RPS6KC1: variants seen among roughly 807,000 people sequenced by gnomAD.
The protein encoded by RPS6KC1 is ribosomal protein S6 kinase C1, also known as inactive ribosomal protein S6 kinase delta-1.
In RPS6KC1, 54 loss-of-function variants were observed where a neutral mutation model predicts 103.8. The ratio of observed to expected loss-of-function variants is 0.52; its 90% CI spans 0.42 to 0.65. The LOEUF (loss-of-function observed/expected upper bound fraction) is 0.65, where lower values mean the gene tolerates loss of function less well. Among genes scored for constraint, RPS6KC1 ranks in the 30% least tolerant of loss-of-function variants. The pLI is 0.00. For missense variants in RPS6KC1, 1,151 were observed against 1,253.8 expected, an observed-to-expected ratio of 0.92 and a Z score of 1.24; for synonymous variants, 439 against 438.7, an observed-to-expected ratio of 1.00 and a Z score of -0.01.
At chr1:213,582,109 A>G in the RPS6KC1 span, among the ~76,000 whole-genome samples, 2 of 133,420 alleles carry the variant, frequency 1.5e-5, no homozygotes, top group African/African-American at 5.7e-5. Context: ...TTTTTGATTC[A>G]TTTTTGAACA....
the RPS6KC1 span, among the ~76,000 whole-genome samples, chr1:213,650,427 T>C: frequency 6.6e-6 from 1 of 152,330 alleles, no homozygotes; most frequent in South Asian, 2.1e-4. Context: ...AGTGATCCCC[T>C]GCAAAGCCTT....
chr1:213,846,590 A>C, the RPS6KC1 span, among the ~76,000 whole-genome samples: 2 of 152,206 alleles, frequency 1.3e-5, no homozygotes, highest in African/African-American at 4.8e-5. Flanking sequence ...ACAAAACATC[A>C]AGATATAGTA....
the RPS6KC1 span, among the ~76,000 whole-genome samples, chr1:213,474,821 A>T: frequency 4.6e-5 from 7 of 150,676 alleles, no homozygotes; most frequent in African/African-American, 1.7e-4. Context: ...AATTCAAATT[A>T]AAAAAAAAGG....
intron 6 of RPS6KC1, among the ~76,000 whole-genome samples, chr1:213,155,394 C>T (rs1383539223): frequency 6.6e-6 from 1 of 152,158 alleles, no homozygotes; most frequent in African/African-American, 2.4e-5. Flanking sequence ...GTGCTGTAGC[C>T]CTTGTTGGCG....
At chr1:213,437,930 TATTTTCTG>T in the RPS6KC1 span, among the ~76,000 whole-genome samples, 1 of 151,998 alleles carries the variant, frequency 6.6e-6, no homozygotes, top group Non-Finnish European at 1.5e-5. Flanking sequence ...TCATTCAAAA[TATTTTCTG>T]ATTTTCTTTT....
the RPS6KC1 span, among the ~76,000 whole-genome samples, chr1:213,766,416 C>T: frequency 3.9e-5 from 6 of 152,078 alleles, no homozygotes; most frequent in Non-Finnish European, 8.8e-5. Flanking sequence ...TCACATGGCA[C>T]GTAAGACTTA....
the RPS6KC1 span, among the ~76,000 whole-genome samples, chr1:213,298,643 ATTTC>A: frequency 2.6e-5 from 4 of 151,574 alleles, no homozygotes; most frequent in Non-Finnish European, 5.9e-5. Flanking sequence ...TTTCTTGGAA[ATTTC>A]TTTGTCTTCC....
the RPS6KC1 span, among the ~76,000 whole-genome samples, chr1:213,815,478 A>G: frequency 2.6e-5 from 4 of 152,238 alleles, no homozygotes; most frequent in Non-Finnish European, 5.9e-5. Flanking sequence ...AAGATGTCCT[A>G]TTGTGCATAT....
chr1:213,517,902 TCTGGGTGCTC>T, the RPS6KC1 span, among the ~76,000 whole-genome samples: 1 of 152,208 alleles, frequency 6.6e-6, no homozygotes, highest in Admixed American at 6.5e-5. Flanking sequence ...GCTTTATGAA[TCTGGGTGCTC>T]CTGTATTGGG....
the RPS6KC1 span, among the ~76,000 whole-genome samples, chr1:213,844,319 T>C: frequency 6.6e-6 from 1 of 152,224 alleles, no homozygotes; most frequent in African/African-American, 2.4e-5. Context: ...CATACAATTA[T>C]GGACAATTTG....
At chr1:213,209,324 C>T (rs2093437324) in intron 8 of RPS6KC1, among the ~76,000 whole-genome samples, 1 of 152,122 alleles carries the variant, frequency 6.6e-6, no homozygotes, top group South Asian at 2.1e-4. Context: ...ATCCAAACCC[C>T]AAGAGAGGAT....
intron 1 of RPS6KC1, among the ~76,000 whole-genome samples, chr1:213,054,799 C>G (rs79210722): frequency 2.5e-4 from 38 of 152,268 alleles, no homozygotes; most frequent in Admixed American, 1.0e-3. Flanking sequence ...AGTGTTATTT[C>G]TTAATTTTTA....
the RPS6KC1 span, among the ~76,000 whole-genome samples, chr1:213,733,427 A>G: frequency 2.0e-5 from 3 of 151,868 alleles, no homozygotes; most frequent in Non-Finnish European, 2.9e-5. Flanking sequence ...TGTAGAGACA[A>G]GGTTTTGCCA....
chr1:213,063,223 A>G (rs2078003131), intron 1 of RPS6KC1, among the ~76,000 whole-genome samples: 1 of 152,228 alleles, frequency 6.6e-6, no homozygotes, highest in African/African-American at 2.4e-5. Context: ...TGTAAGACAA[A>G]GGGTTTACCT....
the RPS6KC1 span, among the ~76,000 whole-genome samples, chr1:213,448,880 A>G: frequency 6.6e-6 from 1 of 151,906 alleles, no homozygotes; most frequent in African/African-American, 2.4e-5. Flanking sequence ...CAGTGCGTGT[A>G]TTGATTTTCT....
At chr1:213,319,480 G>T in the RPS6KC1 span, among the ~76,000 whole-genome samples, 2 of 152,100 alleles carry the variant, frequency 1.3e-5, no homozygotes, top group African/African-American at 4.8e-5. Context: ...CCTGATGTGC[G>T]GTCAGCTCTC....
chr1:213,467,410 A>G, the RPS6KC1 span, among the ~76,000 whole-genome samples: 1 of 152,246 alleles, frequency 6.6e-6, no homozygotes, highest in Non-Finnish European at 1.5e-5. Flanking sequence ...TCTCAAATGC[A>G]CACAAAAATA....
intron 8 of RPS6KC1, among the ~76,000 whole-genome samples, chr1:213,178,362 A>G (rs1321005537): frequency 6.6e-6 from 1 of 151,946 alleles, no homozygotes; most frequent in African/African-American, 2.4e-5. Flanking sequence ...CAACATGGTG[A>G]AACCCCGTCT....
chr1:213,192,498 G>A (rs927418530), intron 8 of RPS6KC1, among the ~76,000 whole-genome samples: 4 of 152,102 alleles, frequency 2.6e-5, no homozygotes, highest in Non-Finnish European at 4.4e-5. Flanking sequence ...GAAGCCATTG[G>A]GACCTGGGCT....
Sources: gnomAD v4.1 joint callset for allele counts (sites outside exome capture counted in the v4.1 genomes callset) on GRCh38, gnomAD v4.1.1 for gene constraint, MANE v1.5 for transcripts, NCBI Gene and HGNC (gene_info 2026-07-23, HGNC 2026-07-21) for gene names.